The following ACOXL variants were observed in gnomAD, a reference collection of about 807,000 sequenced individuals.
ACOXL encodes acyl-CoA oxidase like.
ACOXL carries 70 observed loss-of-function variants against 71.9 expected under a neutral mutation model. The observed-to-expected ratio is 0.97, with a 90% CI of 0.80 to 1.19. The LOEUF (loss-of-function observed/expected upper bound fraction) is 1.19, where lower values mean the gene tolerates loss of function less well. Ranked by LOEUF, ACOXL falls within the 50% of genes most tolerant of loss-of-function variation. The pLI, the probability that ACOXL is intolerant of heterozygous loss-of-function variation, is 0.00. For synonymous variants in ACOXL, 253 were observed against 281.6 expected (o/e 0.90, Z 1.02); for missense variants, 703 against 736.3 (o/e 0.95, Z 0.52).
At chr2:111,077,685 T>C (rs1392620916) in intron 16 of ACOXL, among the ~76,000 whole-genome samples, 1 of 152,250 alleles carries the variant, frequency 6.6e-6, no homozygotes, top group African/African-American at 2.4e-5. Context: ...TGAACGATCA[T>C]TTACACGATA....
At chr2:110,835,653 G>A (rs1410852362) in intron 9 of ACOXL, among the ~76,000 whole-genome samples, 2 of 152,166 alleles carry the variant, frequency 1.3e-5, no homozygotes, top group African/African-American at 4.8e-5. Context: ...ACATTAAGAG[G>A]ACATAAAATG....
intron 17 of ACOXL, among the ~76,000 whole-genome samples, chr2:111,097,564 G>A (rs567181104): frequency 3.0e-4 from 45 of 152,334 alleles, no homozygotes; most frequent in Non-Finnish European, 5.4e-4. Context: ...GGGCTGGCCA[G>A]TGAATGCACA....
intron 12 of ACOXL, among the ~76,000 whole-genome samples, chr2:110,966,253 G>C (rs1905358): frequency 3.9e-5 from 6 of 151,916 alleles, no homozygotes; most frequent in Admixed American, 1.3e-4. Flanking sequence ...GCCCGGTGGC[G>C]AATCCACCCC....
chr2:110,771,688 A>C (rs148989018), intron 2 of ACOXL, among the ~76,000 whole-genome samples: 29 of 152,356 alleles, frequency 1.9e-4, no homozygotes, highest in South Asian at 6.2e-4. Flanking sequence ...ACACACACAG[A>C]CACACACACA....
rs553269377 is a variant in ACOXL, at chr2:110,841,010, C to T, written c.754-361C>T. On this transcript the variant is annotated intron_variant, in intron 9 of 17. Transcript: ENST00000439055. ...TGCCAACCTTGGAATCAGCTACATG[C>T]GTGTTCTCCTAATGCCAACCTTGGA... 1.1e-4 allele frequency among the ~76,000 whole-genome samples: 17 copies of T among 152,290 alleles called. No individual in the cohort carries two copies. In the East Asian group the frequency reaches 2.5e-3, roughly 22 times the overall value.
chr2:110,882,477 C>T (rs1696784830), intron 10 of ACOXL, among the ~76,000 whole-genome samples: 1 of 151,978 alleles, frequency 6.6e-6, no homozygotes, highest in African/African-American at 2.4e-5. Context: ...TTTCATAAAA[C>T]CCAACATATT....
intron 14 of ACOXL, chr2:111,018,033 T>C (rs1284145308): frequency 1.3e-5 from 2 of 152,188 alleles, no homozygotes; most frequent in African/African-American, 4.8e-5. Context: ...AAATGCTTAG[T>C]TGAAACTTCA....
At chr2:110,957,950 T>G (rs551365133) in intron 12 of ACOXL, among the ~76,000 whole-genome samples, 1 of 150,816 alleles carries the variant, frequency 6.6e-6, no homozygotes, top group Admixed American at 6.6e-5. Flanking sequence ...CCCAGCTTAC[T>G]CTGGAGGCTG....
At chr2:111,034,160 C>T (rs938991802) in intron 15 of ACOXL, among the ~76,000 whole-genome samples, 2 of 152,180 alleles carry the variant, frequency 1.3e-5, no homozygotes, top group Non-Finnish European at 2.9e-5. Context: ...CAGTTTCTTC[C>T]TCATTTATAA....
intron 12 of ACOXL, among the ~76,000 whole-genome samples, chr2:110,958,146 T>TGCACACACAC (rs2061572098): frequency 6.6e-6 from 1 of 151,604 alleles, no homozygotes; most frequent in Non-Finnish European, 1.5e-5. Flanking sequence ...CACACACACA[T>TGCACACACAC]GCACACACAC....
intron 12 of ACOXL, among the ~76,000 whole-genome samples, chr2:110,948,845 G>A (rs561836108): frequency 6.6e-6 from 1 of 151,928 alleles, no homozygotes; most frequent in Non-Finnish European, 1.5e-5. Flanking sequence ...AGACTGGTGC[G>A]AGCAGAGACA....
intron 17 of ACOXL, among the ~76,000 whole-genome samples, chr2:111,103,043 CCCTT>C (rs2069284831): frequency 1.3e-5 from 2 of 152,138 alleles, no homozygotes; most frequent in Non-Finnish European, 2.9e-5. Context: ...GTAATCCCAG[CCCTT>C]TGGGAGGCTG....
At position 111,049,563 on chromosome 2, in the gene ACOXL, T is replaced by A. The variant is rs562711562; in HGVS notation, c.1440+275T>A. Reference sequence around the variant, plus strand: ...GCTCAGTTGGTTCTATTTAAACTTATCTGATGGAGTCTTGATGCTTTTTTA... The same window carrying A: ...GCTCAGTTGGTTCTATTTAAACTTAACTGATGGAGTCTTGATGCTTTTTTA... On this transcript the variant is annotated intron_variant, in intron 16 of 17. Transcript: ENST00000439055. Among the ~76,000 whole-genome samples the A allele has an allele frequency of 2.6e-5, 4 of 152,300 alleles. No homozygotes were observed. In the South Asian group the frequency reaches 8.3e-4, roughly 32 times the overall value.
intron 13 of ACOXL, among the ~76,000 whole-genome samples, chr2:110,992,984 G>A (rs547056705): frequency 6.6e-6 from 1 of 152,200 alleles, no homozygotes; most frequent in South Asian, 2.1e-4. Context: ...ACCTATTACT[G>A]TACCTGCTAT....
At chr2:110,817,095 T>C (rs1399964308) in intron 9 of ACOXL, among the ~76,000 whole-genome samples, 1 of 152,244 alleles carries the variant, frequency 6.6e-6, no homozygotes, top group Non-Finnish European at 1.5e-5. Context: ...CCTCAGTAGC[T>C]GTCTGCGAAC....
chr2:110,856,511 C>G (rs183012258), intron 10 of ACOXL, among the ~76,000 whole-genome samples: 1 of 152,138 alleles, frequency 6.6e-6, no homozygotes, highest in South Asian at 2.1e-4. Flanking sequence ...TGAAAGTTCT[C>G]GACTTCATAA....
intron 10 of ACOXL, among the ~76,000 whole-genome samples, chr2:110,881,057 T>C (rs902383516): frequency 3.9e-5 from 6 of 152,148 alleles, no homozygotes; most frequent in Non-Finnish European, 7.4e-5. Flanking sequence ...CATTAGAAGA[T>C]TATTTTTAAG....
intron 11 of ACOXL, among the ~76,000 whole-genome samples, chr2:110,924,426 G>A (rs903992676): frequency 6.6e-6 from 1 of 152,214 alleles, no homozygotes; most frequent in Non-Finnish European, 1.5e-5. Flanking sequence ...CAAAATTGGA[G>A]TCAGTCCTTT....
chr2:110,873,448 A>T (rs1178802032), intron 10 of ACOXL, among the ~76,000 whole-genome samples: 2 of 152,152 alleles, frequency 1.3e-5, no homozygotes, highest in Admixed American at 1.3e-4. Flanking sequence ...AGGTAGCAGG[A>T]TGTTTGCTGA....
Sources: gnomAD v4.1 joint callset for allele counts (sites outside exome capture counted in the v4.1 genomes callset) on GRCh38, gnomAD v4.1.1 for gene constraint, MANE v1.5 for transcripts, NCBI Gene and HGNC (gene_info 2026-07-23, HGNC 2026-07-21) for gene names.